Variants in GAS7 observed in about 807,000 individuals in gnomAD.
GAS7 encodes growth arrest specific 7, also known as growth arrest-specific protein 7.
GAS7 carries 28 observed loss-of-function variants against 71.1 expected under a neutral mutation model. That is an observed-to-expected ratio of 0.39 (90% CI 0.29 to 0.54). GAS7 has a LOEUF of 0.54. GAS7 is among the 20% of genes least tolerant of loss of function. The probability of loss-of-function intolerance (pLI) is 0.62; values close to 1 mark genes in which losing one functional copy is unlikely to be tolerated. For synonymous variants in GAS7, 258 were observed against 245.8 expected (o/e 1.05, Z -0.46); for missense variants, 436 against 627.8 (o/e 0.69, Z 3.27).
chr17:9,919,625 C>T lies in GAS7; in HGVS notation c.1218+1G>A. 1 of 1,608,210 alleles carries T rather than the reference C, an allele frequency of 6.2e-7. No homozygotes were observed. The highest frequency in any genetic ancestry group is 8.5e-7 in the Non-Finnish European group (1 of 1,174,562). ...ATGTCCACACATCCCTGCCCGCTTA[C>T]CAATGTGGTGGTCACCATCTCTTCA... On this transcript the variant is annotated splice_donor_variant, in intron 12 of 13. Coordinates refer to ENST00000432992, the MANE Select transcript of GAS7 (RefSeq NM_201433.2). LOFTEE classifies it high-confidence loss of function. This position sits in a 1 kb window ranked among gnomAD's most constrained non-coding sequence, Gnocchi z 5.0.
intron 2 of GAS7, among the ~76,000 whole-genome samples, chr17:10,009,277 C>T (rs1184528383): frequency 1.4e-5 from 2 of 146,386 alleles, no homozygotes; most frequent in South Asian, 4.3e-4. Context: ...GCCGAGATCC[C>T]GCCACTGCAC....
At chr17:10,021,760 C>T (rs2072277199) in intron 1 of GAS7, among the ~76,000 whole-genome samples, 1 of 152,184 alleles carries the variant, frequency 6.6e-6, no homozygotes, top group Non-Finnish European at 1.5e-5. Flanking sequence ...CCTCTCACTG[C>T]TTTGGACTCT....
At chr17:9,993,528 T>C (rs2070923636) in intron 2 of GAS7, among the ~76,000 whole-genome samples, 1 of 152,006 alleles carries the variant, frequency 6.6e-6, no homozygotes, top group Admixed American at 6.6e-5. Context: ...TGGGACGTAT[T>C]TCAAAATAAT....
At chr17:9,992,709 T>G (rs1597631448) in intron 2 of GAS7, among the ~76,000 whole-genome samples, 2 of 151,720 alleles carry the variant, frequency 1.3e-5, no homozygotes, top group African/African-American at 4.8e-5. Context: ...ACCCACCAAC[T>G]CATCATCTAG....
chr17:9,990,845 T>C (rs113236915), intron 2 of GAS7, among the ~76,000 whole-genome samples: 16 of 152,184 alleles, frequency 1.1e-4, no homozygotes, highest in African/African-American at 2.4e-4. Flanking sequence ...CTCTGGGTGA[T>C]TGTGGTATAC....
intron 1 of GAS7, among the ~76,000 whole-genome samples, chr17:10,116,197 G>C (rs527867218): frequency 1.4e-4 from 22 of 152,150 alleles, no homozygotes; most frequent in Non-Finnish European, 2.6e-4. Flanking sequence ...TGTGGTCCCA[G>C]CTACTCAGGA....
At chr17:10,122,750 C>T (rs2073914841) in intron 1 of GAS7, among the ~76,000 whole-genome samples, 1 of 152,174 alleles carries the variant, frequency 6.6e-6, no homozygotes, top group African/African-American at 2.4e-5. Context: ...TAGAACAGTG[C>T]AAGCTGAAGA....
intron 1 of GAS7, among the ~76,000 whole-genome samples, chr17:10,079,130 C>T (rs1424539507): frequency 5.9e-5 from 9 of 152,106 alleles, no homozygotes; most frequent in African/African-American, 1.4e-4. Context: ...CACAGCAAAC[C>T]CTTCTCTCTA....
intron 1 of GAS7, among the ~76,000 whole-genome samples, chr17:10,180,528 A>G (rs1827615458): frequency 6.6e-6 from 1 of 152,072 alleles, no homozygotes; most frequent in Non-Finnish European, 1.5e-5. Flanking sequence ...CAATAATCAA[A>G]TCAATCCCAA....
At chr17:10,030,725 T>C (rs1233043803) in intron 1 of GAS7, among the ~76,000 whole-genome samples, 1 of 152,194 alleles carries the variant, frequency 6.6e-6, no homozygotes, top group Non-Finnish European at 1.5e-5. Context: ...TCCGGCCTCT[T>C]CCAAACCTGG....
intron 1 of GAS7, among the ~76,000 whole-genome samples, chr17:10,137,105 C>A (rs1215449319): frequency 7.3e-6 from 1 of 137,718 alleles, no homozygotes; most frequent in Non-Finnish European, 1.6e-5. Flanking sequence ...CCGAGCGAGA[C>A]CCAGCTTAAA....
intron 2 of GAS7, among the ~76,000 whole-genome samples, chr17:10,002,646 T>C (rs2071312351): frequency 6.6e-6 from 1 of 151,824 alleles, no homozygotes; most frequent in Non-Finnish European, 1.5e-5. Flanking sequence ...CACCTATGAG[T>C]GAGAACATGC....
intron 1 of GAS7, among the ~76,000 whole-genome samples, chr17:10,044,512 A>G (rs1195508020): frequency 6.6e-6 from 1 of 152,236 alleles, no homozygotes; most frequent in Non-Finnish European, 1.5e-5. Context: ...TAAAAATTTT[A>G]ACTTTCTGTA....
chr17:9,965,646 T>C (rs375635128), intron 4 of GAS7, among the ~76,000 whole-genome samples: 1 of 152,172 alleles, frequency 6.6e-6, no homozygotes, highest in African/African-American at 2.4e-5. Flanking sequence ...AACCTGCACG[T>C]TCTCCACATG....
intron 1 of GAS7, among the ~76,000 whole-genome samples, chr17:10,174,735 G>A (rs1168574763): frequency 1.3e-5 from 2 of 151,970 alleles, no homozygotes; most frequent in African/African-American, 4.8e-5. Context: ...CTGGATTGAA[G>A]CCCAGAGTGA....
intron 1 of GAS7, among the ~76,000 whole-genome samples, chr17:10,056,877 T>C (rs2073146136): frequency 6.6e-6 from 1 of 152,086 alleles, no homozygotes; most frequent in Non-Finnish European, 1.5e-5. Flanking sequence ...CTCGACTCAC[T>C]GCAACCTCCC....
chr17:10,012,345 T>C (rs937971860), intron 2 of GAS7, among the ~76,000 whole-genome samples: 3 of 152,182 alleles, frequency 2.0e-5, no homozygotes, highest in Non-Finnish European at 4.4e-5. Context: ...TGGAGAGCAA[T>C]GGTGTGATTT....
intron 11 of GAS7, chr17:9,924,719 C>T (rs1013548098): frequency 2.0e-5 from 3 of 152,150 alleles, no homozygotes; most frequent in Non-Finnish European, 4.4e-5. Flanking sequence ...GGAATTGTAA[C>T]AGGTTCACCA....
intron 1 of GAS7, among the ~76,000 whole-genome samples, chr17:10,166,243 C>T (rs1273042754): frequency 6.6e-6 from 1 of 152,004 alleles, no homozygotes; most frequent in Admixed American, 6.6e-5. Context: ...AGGCTGGTCT[C>T]GAACTCCTGG....
Sources: gnomAD v4.1 joint callset for allele counts (sites outside exome capture counted in the v4.1 genomes callset) on GRCh38, gnomAD v4.1.1 for gene constraint, Gnocchi (gnomAD v3.1) non-coding constraint, MANE v1.5 for transcripts, NCBI Gene and HGNC (gene_info 2026-07-23, HGNC 2026-07-21) for gene names.